NSUN7: variants seen among roughly 807,000 people sequenced by gnomAD.
NSUN7 encodes protein NSUN7.
A neutral mutation model predicts 58.5 loss-of-function variants in NSUN7; 39 were observed. That is an observed-to-expected ratio of 0.67 (90% confidence interval 0.52 to 0.87). The LOEUF (loss-of-function observed/expected upper bound fraction) is 0.87. NSUN7 is among the 40% of genes least tolerant of loss of function. NSUN7 has a pLI of 0.00. For synonymous variants in NSUN7, 278 were observed against 303.7 expected (o/e 0.92, Z 0.88); for missense variants, 765 against 844.1 (o/e 0.91, Z 1.16).
chr4:40,793,942 T>G (rs1330814692), intron 8 of NSUN7, among the ~76,000 whole-genome samples: 1 of 152,226 alleles, frequency 6.6e-6, no homozygotes, highest in Non-Finnish European at 1.5e-5. Context: ...TTCCAAAGTT[T>G]CTTTTGGAAA....
chr4:40,765,581 T>C (rs1391181376), intron 4 of NSUN7, among the ~76,000 whole-genome samples: 3 of 152,190 alleles, frequency 2.0e-5, no homozygotes, highest in Admixed American at 6.5e-5. Flanking sequence ...TTTGGTTCCA[T>C]ATGAACTTTA....
intron 4 of NSUN7, among the ~76,000 whole-genome samples, chr4:40,764,866 C>T (rs1382172173): frequency 2.0e-5 from 3 of 152,188 alleles, no homozygotes; most frequent in Non-Finnish European, 4.4e-5. Flanking sequence ...CTTTTGGCTG[C>T]ATAAATGTCT....
intron 7 of NSUN7, among the ~76,000 whole-genome samples, chr4:40,787,012 T>A (rs1742856480): frequency 6.7e-6 from 1 of 149,192 alleles, no homozygotes. Flanking sequence ...GGCCTGAAGT[T>A]AGTGAAATAA....
intron 4 of NSUN7, among the ~76,000 whole-genome samples, chr4:40,764,683 T>C (rs564643466): frequency 3.3e-5 from 5 of 152,222 alleles, no homozygotes; most frequent in African/African-American, 4.8e-5. Flanking sequence ...TGAACTAGTT[T>C]ACAGTCCCAC....
Position 40,808,522 on chromosome 4 carries a change from A to C in NSUN7, c.1740A>C (p.Leu580=), listed in dbSNP as rs1325206113. ...GAGAAACTAAAGCCAGTGCTAATCT[A>C]TCAGAGACTGTAACAAAACCACCTC... ...LNRETKASAN[L]SETVTKPPLP... The change falls in exon 12 of 12, where the codon CTA becomes CTC. Residue 580 remains leucine, a synonymous_variant. Transcript: ENST00000381782. The C allele has an allele frequency of 1.9e-6, 3 of 1,552,904 alleles. No homozygotes were observed. In the South Asian group the frequency reaches 3.6e-5, roughly 18 times the overall value.
At chr4:40,758,005 C>T (rs1741262403) in intron 2 of NSUN7, among the ~76,000 whole-genome samples, 1 of 152,092 alleles carries the variant, frequency 6.6e-6, no homozygotes, top group Admixed American at 6.6e-5. Context: ...ACTGCAACCT[C>T]TGCCTCCCAG....
At chr4:40,752,772 T>C (rs1740901010) in intron 2 of NSUN7, among the ~76,000 whole-genome samples, 1 of 10,064 alleles carries the variant, frequency 9.9e-5, no homozygotes, top group Non-Finnish European at 2.1e-4. Flanking sequence ...AATTAAAATG[T>C]CTCACTGATT....
intron 2 of NSUN7, among the ~76,000 whole-genome samples, chr4:40,751,536 A>G (rs1018469572): frequency 3.3e-5 from 5 of 152,196 alleles, no homozygotes; most frequent in Admixed American, 6.5e-5. Context: ...CAGAGACGGA[A>G]TAAAAAGAAA....
chr4:40,805,398 C>A (rs1450123853), intron 10 of NSUN7, among the ~76,000 whole-genome samples: 7 of 152,152 alleles, frequency 4.6e-5, no homozygotes, highest in Admixed American at 1.3e-4. Flanking sequence ...TATTCCTTGT[C>A]CCGAGTTCCC....
chr4:40,769,791 G>T (rs1340227385), intron 4 of NSUN7, among the ~76,000 whole-genome samples: 1 of 151,952 alleles, frequency 6.6e-6, no homozygotes, highest in Non-Finnish European at 1.5e-5. Flanking sequence ...CATTCTCTCC[G>T]CTCCTTCTTC....
At chr4:40,786,278 C>G in intron 7 of NSUN7, 2 of 1,613,666 alleles carry the variant, frequency 1.2e-6, no homozygotes, top group Non-Finnish European at 1.7e-6. Context: ...GGATTTAACA[C>G]TGAGAAAATT....
chr4:40,750,150 A>C lies in NSUN7; in HGVS notation c.-242A>C, dbSNP rs1418071673. On this transcript the variant is annotated 5_prime_UTR_variant, in exon 1 of 12. Coordinates refer to ENST00000381782, the MANE Select transcript of NSUN7 (RefSeq NM_024677.6). The stretch of plus-strand genomic sequence containing the variant: ...CAGAGGCTGCGACCCCCCTGCCCCG[A>C]ATCCTGCCGGTGGGAGTGGCTGCAT... 2 of 152,712 alleles carry C rather than the reference A, an allele frequency of 1.3e-5. No individual in the cohort carries two copies. Among genetic ancestry groups the C allele is most frequent in the African/African-American group, 4.8e-5 (2 of 41,450 alleles). 9.5% of individuals were successfully genotyped at this position (152,712 alleles called of 1,614,324 possible).
chr4:40,755,046 A>G (rs1221927543), intron 2 of NSUN7, among the ~76,000 whole-genome samples: 1 of 152,194 alleles, frequency 6.6e-6, no homozygotes, highest in Admixed American at 6.5e-5. Context: ...AAAGTTGCCT[A>G]TTCCTATTGA....
chr4:40,803,706 G>A (rs896624175), intron 10 of NSUN7, among the ~76,000 whole-genome samples: 13 of 152,078 alleles, frequency 8.5e-5, no homozygotes, highest in Admixed American at 2.0e-4. Flanking sequence ...ATACATTCAC[G>A]AAGTTGTACA....
At chr4:40,783,067 G>A (rs1742651057) in intron 7 of NSUN7, among the ~76,000 whole-genome samples, 1 of 152,124 alleles carries the variant, frequency 6.6e-6, no homozygotes, top group Non-Finnish European at 1.5e-5. Context: ...AGCTAAATGA[G>A]TCATGAAAAA....
intron 8 of NSUN7, among the ~76,000 whole-genome samples, chr4:40,791,049 A>T (rs1743053636): frequency 6.6e-6 from 1 of 152,130 alleles, no homozygotes; most frequent in Non-Finnish European, 1.5e-5. Flanking sequence ...GTTAAAATTT[A>T]CCGGCATTCT....
chr4:40,799,748 C>T (rs1329336837), intron 10 of NSUN7, among the ~76,000 whole-genome samples: 1 of 152,168 alleles, frequency 6.6e-6, no homozygotes, highest in Non-Finnish European at 1.5e-5. Context: ...CCAAGAATCA[C>T]TTCTTAGTAC....
intron 4 of NSUN7, among the ~76,000 whole-genome samples, chr4:40,767,092 C>T (rs1741774538): frequency 6.6e-6 from 1 of 151,174 alleles, no homozygotes; most frequent in Non-Finnish European, 1.5e-5. Flanking sequence ...TTCAGTTCTG[C>T]TCTGATTTTA....
At chr4:40,791,549 CTG>C (rs1448791434) in intron 8 of NSUN7, among the ~76,000 whole-genome samples, 1 of 152,180 alleles carries the variant, frequency 6.6e-6, no homozygotes, top group Non-Finnish European at 1.5e-5. Context: ...CAGTCTGACT[CTG>C]AGACTGGCAC....
Sources: gnomAD v4.1 joint callset for allele counts (sites outside exome capture counted in the v4.1 genomes callset) on GRCh38, gnomAD v4.1.1 for gene constraint, MANE v1.5 for transcripts, NCBI Gene and HGNC (gene_info 2026-07-23, HGNC 2026-07-21) for gene names.